Variants in GNB1 observed in about 807,000 individuals in gnomAD.
GNB1 encodes the protein guanine nucleotide-binding protein G(I)/G(S)/G(T) subunit beta-1.
In GNB1, 2 loss-of-function variants were observed where a neutral mutation model predicts 42.9. That is an observed-to-expected ratio of 0.05 (90% CI 0.02 to 0.15). The LOEUF is 0.15. Ranked by LOEUF, GNB1 falls within the 10% of genes least tolerant of loss-of-function variation. The probability of loss-of-function intolerance (pLI) is 1.00; values close to 1 mark genes in which losing one functional copy is unlikely to be tolerated. For missense variants in GNB1, 193 were observed against 462.2 expected (o/e 0.42, Z 5.34); for synonymous variants, 183 against 174.7 (o/e 1.05, Z -0.38).
chr1:1,859,511 G>C (rs1413299448), intron 1 of GNB1, among the ~76,000 whole-genome samples: 1 of 152,106 alleles, frequency 6.6e-6, no homozygotes, highest in Non-Finnish European at 1.5e-5. Context: ...TCAATAAAGG[G>C]AATGTGAACT....
chr1:1,841,649 C>T (rs542097559), intron 1 of GNB1, among the ~76,000 whole-genome samples: 1 of 152,298 alleles, frequency 6.6e-6, no homozygotes, highest in South Asian at 2.1e-4. Flanking sequence ...GATGAATCAA[C>T]AAACTGAAAT....
Position 1,825,390 on chromosome 1 carries a change from T to G in GNB1, c.57+7A>C. ...ATTAATAAAACCAAGCACACACAAC[T>G]ACATACTCGAATCTGGTTCTTAAGT... On this transcript the variant is annotated splice_region_variant and intron_variant, in intron 3 of 11. Coordinates refer to ENST00000378609, the MANE Select transcript of GNB1 (RefSeq NM_002074.5). 1 of 1,600,680 alleles carries G rather than the reference T, an allele frequency of 6.2e-7. No individual in the cohort carries two copies. Among genetic ancestry groups the G allele is most frequent in the Non-Finnish European group, 8.6e-7 (1 of 1,167,754 alleles).
At chr1:1,835,922 G>GAAT (rs1421862824) in intron 2 of GNB1, among the ~76,000 whole-genome samples, 7 of 88,680 alleles carry the variant, frequency 7.9e-5, no homozygotes, top group Non-Finnish European at 1.2e-4. Context: ...ATTAAAAAAA[G>GAAT]AAAAAAAAAA....
intron 1 of GNB1, among the ~76,000 whole-genome samples, chr1:1,853,904 AATAGG>A (rs1445267754): frequency 1.7e-4 from 26 of 152,284 alleles, no homozygotes; most frequent in Admixed American, 3.9e-4. Context: ...ACAACATGAA[AATAGG>A]ATAGAAGTGT....
rs1368041648 is a variant in GNB1, at chr1:1,787,869, A to C, written c.917-432T>G. On this transcript the variant is annotated intron_variant, in intron 10 of 11. Coordinates refer to ENST00000378609, the MANE Select transcript of GNB1 (RefSeq NM_002074.5). This position sits in a 1 kb window ranked among gnomAD's most constrained non-coding sequence, Gnocchi z 4.4. Reference sequence around the variant, plus strand: ...ATATGGTGAAACCCCATTTCTACTAAAAATACAAAAACCAGCAGGGCGTGG... The same window carrying C: ...ATATGGTGAAACCCCATTTCTACTACAAATACAAAAACCAGCAGGGCGTGG... 1 of 152,880 alleles carries C rather than the reference A, an allele frequency of 6.5e-6. No individual in the cohort carries two copies. Among genetic ancestry groups the C allele is most frequent in the Non-Finnish European group, 1.5e-5 (1 of 68,550 alleles). The allele number at this position is 152,880 out of a possible 1,614,324, so 9.5% of individuals were successfully genotyped here.
At chr1:1,835,002 T>C (rs570671868) in intron 2 of GNB1, among the ~76,000 whole-genome samples, 64 of 152,242 alleles carry the variant, frequency 4.2e-4, no homozygotes, top group African/African-American at 1.4e-3. Context: ...TGGAAATCCT[T>C]AGGTTTAGGG....
At chr1:1,886,602 G>A (rs1427335187) in intron 1 of GNB1, among the ~76,000 whole-genome samples, 1 of 152,128 alleles carries the variant, frequency 6.6e-6, no homozygotes, top group Non-Finnish European at 1.5e-5. Flanking sequence ...TCCTCATTCT[G>A]TGTTCCTAAA....
At chr1:1,831,255 T>C (rs913422354) in intron 2 of GNB1, among the ~76,000 whole-genome samples, 3 of 152,034 alleles carry the variant, frequency 2.0e-5, no homozygotes, top group African/African-American at 7.2e-5. Flanking sequence ...GAGGATCGCT[T>C]GAGTCCAGGA....
intron 6 of GNB1, 50 bp downstream of exon 6, chr1:1,806,425 C>T (rs755167846): frequency 2.7e-6 from 3 of 1,095,136 alleles, no homozygotes; most frequent in Non-Finnish European, 4.2e-6. Context: ...GAGCTTAAAA[C>T]CCTGTTTCCT....
chr1:1,806,556 A>T lies in GNB1; in HGVS notation c.204-18T>A, dbSNP rs1204461383. ...CGAGAAGCCTGGAGGGACAGACAAA[A>T]GCAAACCTATCAGTACCGCACAACA... On this transcript the variant is annotated intron_variant, in intron 5 of 11. Coordinates refer to ENST00000378609, the MANE Select transcript of GNB1 (RefSeq NM_002074.5). 6.3e-7 allele frequency: 1 copy of T among 1,576,070 alleles called. No individual in the cohort carries two copies.
intron 5 of GNB1, among the ~76,000 whole-genome samples, chr1:1,808,349 C>T (rs1305963941): frequency 6.6e-6 from 1 of 152,010 alleles, no homozygotes; most frequent in African/African-American, 2.4e-5. Flanking sequence ...CAACTGTGCT[C>T]AGTTCGGAAT....
chr1:1,816,400 C>T (rs1342599267), intron 4 of GNB1, among the ~76,000 whole-genome samples: 3 of 152,108 alleles, frequency 2.0e-5, no homozygotes, highest in Admixed American at 6.6e-5. Flanking sequence ...GGTTGGCAAA[C>T]GGAGTAAGTG....
At chr1:1,883,934 T>C (rs1649997743) in intron 1 of GNB1, among the ~76,000 whole-genome samples, 1 of 152,032 alleles carries the variant, frequency 6.6e-6, no homozygotes, top group East Asian at 1.9e-4. Context: ...GTAGACTCTT[T>C]TGACATGCTC....
chr1:1,786,078 T>C lies in GNB1; in HGVS notation c.*985A>G, dbSNP rs1291607255. On this transcript the variant is annotated 3_prime_UTR_variant, in exon 12 of 12. Transcript: ENST00000378609. ...CAATCAAAATTTTTAAAATTTAACT[T>C]AGAAAGTCTGAGATCATTATTTTCA... The C allele has an allele frequency of 2.5e-6, 1 of 398,476 alleles. No individual in the cohort carries two copies. The highest frequency in any genetic ancestry group is 3.6e-5 in the East Asian group (1 of 28,092). 24.7% of individuals were successfully genotyped at this position (398,476 alleles called of 1,614,324 possible).
chr1:1,827,764 G>A (rs970439324), intron 2 of GNB1, among the ~76,000 whole-genome samples: 1 of 152,036 alleles, frequency 6.6e-6, no homozygotes, highest in African/African-American at 2.4e-5. Flanking sequence ...GCAGAGTTGG[G>A]GGTAGTTTTA....
At chr1:1,856,637 A>G (rs981908560) in intron 1 of GNB1, among the ~76,000 whole-genome samples, 1 of 151,892 alleles carries the variant, frequency 6.6e-6, no homozygotes, top group Non-Finnish European at 1.5e-5. Context: ...CATGTTGGCC[A>G]GGATAGTCTC....
intron 7 of GNB1, chr1:1,793,521 C>CGTCCCACAGA (rs1646508111): frequency 2.4e-6 from 1 of 422,174 alleles, no homozygotes; most frequent in Non-Finnish European, 4.4e-6. Flanking sequence ...CAGGACAGCA[C>CGTCCCACAGA]GTCCCACAGA....
intron 8 of GNB1, among the ~76,000 whole-genome samples, chr1:1,792,803 C>T (rs890062283): frequency 6.6e-6 from 1 of 151,944 alleles, no homozygotes; most frequent in African/African-American, 2.4e-5. Context: ...CGGAGGCTCA[C>T]GCCTGTAATC....
chr1:1,850,017 G>T (rs11260623), intron 1 of GNB1, among the ~76,000 whole-genome samples: 59,260 of 151,924 alleles, frequency 0.39, 14,260 homozygotes, highest in Admixed American at 0.54. Context: ...TACATAGGCT[G>T]AAGTACAATG....
Sources: allele counts gnomAD v4.1 joint callset (sites outside exome capture counted in the v4.1 genomes callset), GRCh38; gene constraint gnomAD v4.1.1; non-coding constraint Gnocchi (gnomAD v3.1); transcripts MANE v1.5; gene names NCBI Gene and HGNC (gene_info 2026-07-23, HGNC 2026-07-21).